The following MED12L variants were observed in gnomAD, a reference collection of about 807,000 sequenced individuals.
MED12L encodes mediator complex subunit 12L.
MED12L carries 60 observed loss-of-function variants against 281.3 expected under a neutral mutation model. The ratio of observed to expected loss-of-function variants is 0.21; its 90% CI spans 0.17 to 0.26. MED12L has a LOEUF of 0.26. MED12L is among the 10% of genes least tolerant of loss of function. The pLI is 1.00. For missense variants in MED12L, 2,146 were observed against 2,680.9 expected, an observed-to-expected ratio of 0.80 and a Z score of 4.41; for synonymous variants, 974 against 987.2, an observed-to-expected ratio of 0.99 and a Z score of 0.25.
chr3:151,300,025 C>G (rs768399907), intron 16 of MED12L: 2 of 1,377,352 alleles, frequency 1.5e-6, no homozygotes, highest in East Asian at 4.6e-5. Context: ...TAATAGTCAT[C>G]AATAAAGTAA....
At chr3:151,340,724 G>A (rs1209089741) in intron 16 of MED12L, 2 of 152,556 alleles carry the variant, frequency 1.3e-5, no homozygotes, top group African/African-American at 4.8e-5. Context: ...TGTGATAGAG[G>A]ATTTCCTGAG....
intron 16 of MED12L, among the ~76,000 whole-genome samples, chr3:151,276,380 A>G (rs562763544): frequency 2.6e-5 from 4 of 152,344 alleles, no homozygotes; most frequent in African/African-American, 9.6e-5. Context: ...AATTAAAGGA[A>G]ACACTCCTTA....
chr3:151,103,462 G>A (rs1329896130), intron 2 of MED12L, among the ~76,000 whole-genome samples: 1 of 152,204 alleles, frequency 6.6e-6, no homozygotes, highest in Non-Finnish European at 1.5e-5. Context: ...GTAGGATGAA[G>A]GAGGTTGTCA....
Position 151,110,042 on chromosome 3 carries a change from T to C in MED12L, c.100-6296T>C, listed in dbSNP as rs577351770. Among the ~76,000 whole-genome samples, 10 of 152,332 alleles carry C rather than the reference T, an allele frequency of 6.6e-5. No homozygotes were observed. In the South Asian group the frequency reaches 2.1e-3, roughly 32 times the overall value. On this transcript the variant is annotated intron_variant, in intron 2 of 44. Transcript: ENST00000687756. The stretch of plus-strand genomic sequence containing the variant: ...GATATAGTGAACAAGCTTAAATCTC[T>C]GTAAGGAAAGGCGTCGTAAGAATTT...
intron 16 of MED12L, chr3:151,328,136 G>A (rs1332241263): frequency 6.2e-7 from 1 of 1,612,654 alleles, no homozygotes; most frequent in East Asian, 2.2e-5. Flanking sequence ...AATGTTAGTT[G>A]CTGCCAAAAA....
Position 151,372,755 on chromosome 3 carries a change from A to C in MED12L, c.3853A>C (p.Ile1285Leu). 1 of 1,612,744 alleles carries C rather than the reference A, an allele frequency of 6.2e-7. No homozygotes were observed. Among genetic ancestry groups the C allele is most frequent in the South Asian group, 1.1e-5 (1 of 91,052 alleles). ...ATACGCTAGATATGTACTGAGGACT[A>C]TCTGTCAACAGGTATTCTAATTTAA... ...REYARYVLRT[I>L]CQQEWVGEHC... The change falls in exon 27 of 45, where the codon ATC (isoleucine) becomes CTC (leucine). Residue 1285 changes from isoleucine (I) to leucine (L), a missense_variant. Transcript: ENST00000687756.
Position 151,416,314 on chromosome 3 carries a change from G to A in MED12L, c.6300G>A (p.Met2100Ile). 6.2e-7 allele frequency: 1 copy of A among 1,613,034 alleles called. No individual in the cohort carries two copies. Among genetic ancestry groups the A allele is most frequent in the Non-Finnish European group, 8.5e-7 (1 of 1,179,840 alleles). The change falls in exon 43 of 45, where the codon ATG (methionine) becomes ATA (isoleucine). Residue 2100 changes from methionine to isoleucine, a missense_variant and splice_region_variant. Physicochemically the swap from Met to Ile is conservative, Grantham distance 10 (BLOSUM62 1). Coordinates refer to ENST00000687756, the MANE Select transcript of MED12L (RefSeq NM_001393769.1). ...TAACATTTTTACCCTCTTTCCAGAT[G>A]CAGCAGCCCCAGCAGCCCCAGCCCC... ...QVRQQQRLLQ[M>I]QQPQQPQPQQ...
At chr3:151,142,421 T>C (rs953759296) in intron 5 of MED12L, among the ~76,000 whole-genome samples, 2 of 152,224 alleles carry the variant, frequency 1.3e-5, no homozygotes, top group African/African-American at 4.8e-5. Flanking sequence ...TAAGAAAAGA[T>C]AGCTTCTTGT....
intron 39 of MED12L, among the ~76,000 whole-genome samples, chr3:151,402,467 G>T (rs1310145810): frequency 1.3e-5 from 2 of 152,174 alleles, no homozygotes; most frequent in Non-Finnish European, 2.9e-5. Flanking sequence ...TACTGGGGAT[G>T]GGGCTAATTA....
chr3:151,188,533 T>G, intron 13 of MED12L, 53 bp downstream of exon 13: 1 of 1,486,036 alleles, frequency 6.7e-7, no homozygotes, highest in Non-Finnish European at 9.1e-7. Flanking sequence ...ATTGATTTTT[T>G]TTTTCTGATT....
At chr3:151,304,677 C>A (rs1004113951) in intron 16 of MED12L, among the ~76,000 whole-genome samples, 3 of 151,840 alleles carry the variant, frequency 2.0e-5, no homozygotes, top group Non-Finnish European at 1.5e-5. Flanking sequence ...GGATTTGATT[C>A]TCTCATTCTC....
At chr3:151,209,978 G>C (rs934838791) in intron 16 of MED12L, among the ~76,000 whole-genome samples, 4 of 152,194 alleles carry the variant, frequency 2.6e-5, no homozygotes, top group Non-Finnish European at 4.4e-5. Flanking sequence ...ACTGATGCAG[G>C]CACTCAGCTT....
Position 151,384,350 on chromosome 3 carries a change from GT to G in MED12L, c.4926+135del, listed in dbSNP as rs149800694. On this transcript the variant is annotated intron_variant, in intron 35 of 44. Coordinates refer to ENST00000687756, the MANE Select transcript of MED12L (RefSeq NM_001393769.1). ...AATTTAATGTGATTATTTGCTATTT[GT>G]TTCACCTAACCTTATTAGTACCCAG... 3,107 of 939,648 alleles carry G rather than the reference GT, an allele frequency of 3.3e-3. 75 individuals carry two copies. In the African/African-American group the frequency reaches 0.048, roughly 15 times the overall value. 58.2% of individuals were successfully genotyped at this position (939,648 alleles called of 1,614,324 possible).
At position 151,376,467 on chromosome 3, in the gene MED12L, G is replaced by A. The variant is rs1014117716; in HGVS notation, c.4053+253G>A. ...TTACATGAGAAATATGCTTCAGAGA[G>A]GGGCTATGTTAAATATATTATTAAA... On this transcript the variant is annotated intron_variant, in intron 28 of 44. Transcript: ENST00000687756. 3.3e-5 allele frequency among the ~76,000 whole-genome samples: 5 copies of A among 152,216 alleles called. 1 individual carries two copies. The South Asian group carries it at 1.0e-3, about 32-fold the overall frequency.
rs950264619 is a variant in MED12L, at chr3:151,309,873, T to G, written c.2251-40186T>G. On this transcript the variant is annotated intron_variant, in intron 16 of 44. Transcript: ENST00000687756. ...TGACTTAATTTCATTTTGGAAGGCA[T>G]ATGTCAGTTTTTTGTTTTTTATTTT... is the stretch of plus-strand genomic sequence containing the variant. Among the ~76,000 whole-genome samples the G allele has an allele frequency of 3.9e-5, 6 of 152,212 alleles. No homozygotes were observed. In the East Asian group the frequency reaches 1.2e-3, roughly 29 times the overall value.
intron 16 of MED12L, among the ~76,000 whole-genome samples, chr3:151,283,422 T>C (rs969865857): frequency 1.5e-4 from 23 of 152,198 alleles, no homozygotes; most frequent in Admixed American, 1.1e-3. Context: ...TTTTCAGTAT[T>C]TTTTTTGGAA....
At chr3:151,396,575 G>A (rs1323447880) in intron 39 of MED12L, among the ~76,000 whole-genome samples, 3 of 152,142 alleles carry the variant, frequency 2.0e-5, no homozygotes, top group Non-Finnish European at 2.9e-5. Context: ...GCAGTGAGCC[G>A]AGATCACGCC....
At chr3:151,412,682 C>A (rs1717092233) in intron 41 of MED12L, among the ~76,000 whole-genome samples, 1 of 152,072 alleles carries the variant, frequency 6.6e-6, no homozygotes, top group African/African-American at 2.4e-5. Context: ...ATTTCAAAGC[C>A]CAAAAGTTCT....
intron 2 of MED12L, among the ~76,000 whole-genome samples, chr3:151,105,552 TC>T (rs1296857666): frequency 2.0e-5 from 3 of 152,156 alleles, no homozygotes; most frequent in African/African-American, 7.2e-5. Context: ...GGTAAAACAC[TC>T]CTAGTTTCCT....
Sources: gnomAD v4.1 joint callset for allele counts (sites outside exome capture counted in the v4.1 genomes callset) on GRCh38, gnomAD v4.1.1 for gene constraint, MANE v1.5 for transcripts, NCBI Gene and HGNC (gene_info 2026-07-23, HGNC 2026-07-21) for gene names.